Variants in DOCK1 observed in about 807,000 individuals in gnomAD.
DOCK1 encodes dedicator of cytokinesis protein 1.
A neutral mutation model predicts 262.7 loss-of-function variants in DOCK1; 138 were observed. That is an observed-to-expected ratio of 0.53 (90% confidence interval 0.46 to 0.61). The LOEUF is 0.61. Among genes scored for constraint, DOCK1 ranks in the 20% least tolerant of loss-of-function variants. The pLI is 0.00. For synonymous variants in DOCK1, 866 were observed against 867.4 expected, an observed-to-expected ratio of 1.00 and a Z score of 0.03; for missense variants, 1,908 against 2,370.7, an observed-to-expected ratio of 0.80 and a Z score of 4.05.
chr10:127,293,793 G>A (rs759553289), intron 29 of DOCK1, among the ~76,000 whole-genome samples: 13 of 152,222 alleles, frequency 8.5e-5, no homozygotes, highest in Non-Finnish European at 1.5e-4. Flanking sequence ...TTTGTGGGAT[G>A]CTTGAGGAAA....
intron 4 of DOCK1, among the ~76,000 whole-genome samples, chr10:126,982,435 G>C (rs563226318): frequency 1.3e-5 from 2 of 152,210 alleles, no homozygotes; most frequent in South Asian, 4.2e-4. Flanking sequence ...GTTTCCTAGA[G>C]GTCATAAAAC....
At chr10:127,082,195 C>A in intron 23 of DOCK1, among the ~76,000 whole-genome samples, 1 of 152,156 alleles carries the variant, frequency 6.6e-6, no homozygotes, top group East Asian at 1.9e-4. Flanking sequence ...GAAACAAACG[C>A]TTTCCTTTCT....
At chr10:127,253,598 G>A (rs2059727826) in intron 28 of DOCK1, among the ~76,000 whole-genome samples, 1 of 152,140 alleles carries the variant, frequency 6.6e-6, no homozygotes, top group African/African-American at 2.4e-5. Flanking sequence ...ATGGAGCCAG[G>A]CTCAGTGGCT....
intron 1 of DOCK1, among the ~76,000 whole-genome samples, chr10:126,962,463 T>C (rs999574507): frequency 4.3e-4 from 62 of 145,418 alleles, no homozygotes; most frequent in Admixed American, 2.0e-3. Flanking sequence ...CCGGCCAGTT[T>C]TGGCATTTTT....
intron 11 of DOCK1, among the ~76,000 whole-genome samples, chr10:127,010,774 TTATAA>T (rs2041369587): frequency 6.6e-6 from 1 of 152,190 alleles, no homozygotes. Flanking sequence ...CTTTGTAAAA[TTATAA>T]TATTAAATTG....
intron 29 of DOCK1, among the ~76,000 whole-genome samples, chr10:127,315,893 T>A (rs566764271): frequency 6.6e-6 from 1 of 152,210 alleles, no homozygotes; most frequent in Admixed American, 6.5e-5. Context: ...GAGACGGGGT[T>A]TCACCATGTT....
chr10:127,249,432 T>TACACAC (rs376080330), intron 28 of DOCK1, among the ~76,000 whole-genome samples: 1 of 96,960 alleles, frequency 1.0e-5, no homozygotes, highest in Non-Finnish European at 2.3e-5. Context: ...CATATATATA[T>TACACAC]ACACACACAC....
chr10:127,273,871 A>C (rs1439710565), intron 29 of DOCK1, among the ~76,000 whole-genome samples: 1 of 117,640 alleles, frequency 8.5e-6, no homozygotes, highest in Non-Finnish European at 1.8e-5. Context: ...TACAGAGGAG[A>C]CTGTCTCAAA....
At chr10:126,918,956 A>T (rs10794141) in intron 1 of DOCK1, among the ~76,000 whole-genome samples, 1 of 139,198 alleles carries the variant, frequency 7.2e-6, no homozygotes, top group East Asian at 2.3e-4. Context: ...AGATGGGCAC[A>T]GAGGATTTGG....
At chr10:127,045,058 C>T (rs757336384) in intron 21 of DOCK1, among the ~76,000 whole-genome samples, 3 of 151,864 alleles carry the variant, frequency 2.0e-5, no homozygotes, top group Non-Finnish European at 4.4e-5. Context: ...ATTAGCTGCG[C>T]GTGGTGGCAC....
intron 11 of DOCK1, among the ~76,000 whole-genome samples, chr10:127,009,838 G>A (rs146196278): frequency 2.1e-3 from 319 of 151,808 alleles, no homozygotes; most frequent in African/African-American, 7.4e-3. Flanking sequence ...TCTGCCCCAC[G>A]CATCCTTGGT....
At chr10:126,998,293 G>T (rs1325295090) in intron 8 of DOCK1, 44 bp downstream of exon 8, 1 of 1,610,480 alleles carries the variant, frequency 6.2e-7, no homozygotes, top group Non-Finnish European at 8.5e-7. Flanking sequence ...TTTGGTTAGT[G>T]TTAGGAACTT....
intron 27 of DOCK1, among the ~76,000 whole-genome samples, chr10:127,170,330 T>C (rs575501974): frequency 6.6e-6 from 1 of 152,308 alleles, no homozygotes; most frequent in African/African-American, 2.4e-5. Context: ...GGGGTCCTCT[T>C]GCTCTCTCCC....
At chr10:127,219,179 G>A (rs1236124657) in intron 27 of DOCK1, among the ~76,000 whole-genome samples, 2 of 152,288 alleles carry the variant, frequency 1.3e-5, no homozygotes, top group Non-Finnish European at 2.9e-5. Context: ...GGAGAAAGTA[G>A]AATAAATGGG....
At chr10:127,418,574 A>G (rs1231604424) in intron 45 of DOCK1, 33 bp downstream of exon 45, 3 of 1,594,852 alleles carry the variant, frequency 1.9e-6, no homozygotes, top group South Asian at 2.3e-5. Flanking sequence ...CTGGGCAAGC[A>G]GTCCTGCCCG....
Position 127,095,661 on chromosome 10 carries a change from C to CTGTGTGTGTGTGTG in DOCK1, c.2446-10553_2446-10540dup, listed in dbSNP as rs61224822. ...TGACACAACCACGTGGGCCAGGAAG[C>CTGTGTGTGTGTGTG]TGTGTGTGTGTGTGTGTGTGTGTGT... On this transcript the variant is annotated intron_variant, in intron 23 of 51. Coordinates refer to ENST00000623213, the MANE Select transcript of DOCK1 (RefSeq NM_001290223.2). Among the ~76,000 whole-genome samples, 762 of 148,178 alleles carry CTGTGTGTGTGTGTG rather than the reference C, an allele frequency of 5.1e-3. 9 individuals carry two copies. Among genetic ancestry groups the CTGTGTGTGTGTGTG allele is most frequent in the African/African-American group, 0.018 (712 of 40,268 alleles).
At chr10:127,436,005 T>A (rs1251146444) in intron 48 of DOCK1, among the ~76,000 whole-genome samples, 1 of 152,204 alleles carries the variant, frequency 6.6e-6, no homozygotes, top group Non-Finnish European at 1.5e-5. Context: ...TACTAATCCT[T>A]TTCTTACCTA....
chr10:127,200,106 T>C (rs1380190813), intron 27 of DOCK1, among the ~76,000 whole-genome samples: 2 of 152,308 alleles, frequency 1.3e-5, no homozygotes, highest in East Asian at 3.9e-4. Context: ...AATTTTTCTT[T>C]CCCATGTCTT....
At chr10:127,283,380 C>T (rs563338284) in intron 29 of DOCK1, among the ~76,000 whole-genome samples, 1 of 152,340 alleles carries the variant, frequency 6.6e-6, no homozygotes, top group East Asian at 1.9e-4. Context: ...GTAGTCTTGT[C>T]ACCAAGGAGG....
Sources: gnomAD v4.1 joint callset for allele counts (sites outside exome capture counted in the v4.1 genomes callset) on GRCh38, gnomAD v4.1.1 for gene constraint, MANE v1.5 for transcripts, NCBI Gene and HGNC (gene_info 2026-07-23, HGNC 2026-07-21) for gene names.